CLN6: variants seen among roughly 807,000 people sequenced by gnomAD.
CLN6 encodes the protein ceroid-lipofuscinosis neuronal protein 6.
CLN6 carries 22 observed loss-of-function variants against 33.3 expected under a neutral mutation model. The observed-to-expected ratio is 0.66, with a 90% CI of 0.47 to 0.94. The LOEUF is 0.94. Among genes scored for constraint, CLN6 ranks in the 40% least tolerant of loss-of-function variants. The pLI, the probability that CLN6 is intolerant of heterozygous loss-of-function variation, is 0.00. For missense variants in CLN6, 387 were observed against 417.1 expected (o/e 0.93, Z 0.63); for synonymous variants, 201 against 174.6 (o/e 1.15, Z -1.19).
chr15:68,224,912 C>A (rs550742878), intron 1 of CLN6, among the ~76,000 whole-genome samples: 3 of 152,282 alleles, frequency 2.0e-5, no homozygotes, highest in Admixed American at 6.5e-5. Context: ...TCCTTCCCAG[C>A]TTTCCAAGTC....
chr15:68,217,301 G>A (rs7178785), intron 2 of CLN6, among the ~76,000 whole-genome samples: 4,690 of 152,144 alleles, frequency 0.031, 269 homozygotes, highest in African/African-American at 0.11. Context: ...GTGTGATCAC[G>A]GCTCACTGCA....
chr15:68,224,265 C>CAAA lies in CLN6; in HGVS notation c.83+5234_83+5236dup, dbSNP rs34196710. On this transcript the variant is annotated intron_variant, in intron 1 of 6. Coordinates refer to ENST00000249806, the MANE Select transcript of CLN6 (RefSeq NM_017882.3). ...TGGGTGACAGAGTAAGACCTTATTG[C>CAAA]AAAAAAAAAAAAAAAAAAAAAAAAA... Among the ~76,000 whole-genome samples, 82 of 46,692 alleles carry CAAA rather than the reference C, an allele frequency of 1.8e-3. 10 individuals are homozygous for CAAA. Among genetic ancestry groups the CAAA allele is most frequent in the East Asian group, 3.9e-3 (5 of 1,292 alleles). The allele number at this position is 46,692 out of a possible 152,430, so 30.6% of individuals were successfully genotyped here. A position where few individuals can be genotyped will look rare whatever the true frequency, so the allele number is the denominator to read the frequency against.
At chr15:68,255,067 A>G in intron 1 of CLN6, 1 of 592,228 alleles carries the variant, frequency 1.7e-6, no homozygotes, top group Non-Finnish European at 3.0e-6. Context: ...AAAGGGGCAT[A>G]TGTCACTAAC....
At chr15:68,215,664 G>T (rs1297246728) in intron 2 of CLN6, 1 of 152,044 alleles carries the variant, frequency 6.6e-6, no homozygotes, top group Non-Finnish European at 1.5e-5. Flanking sequence ...TAAAAACAGG[G>T]TCTTGCTATG....
upstream of CLN6, among the ~76,000 whole-genome samples, chr15:68,233,160 T>A (rs2141158547): frequency 6.6e-6 from 1 of 152,238 alleles, no homozygotes; most frequent in East Asian, 1.9e-4. The surrounding 1 kb of genome is among the most constrained non-coding windows in gnomAD (Gnocchi z 4.3). Context: ...TCTGTCTCAC[T>A]CCCCCTTGTC....
intron 1 of CLN6, chr15:68,254,639 A>G: frequency 1.5e-6 from 1 of 674,592 alleles, no homozygotes; most frequent in Non-Finnish European, 2.7e-6. Context: ...CACCGTGCCC[A>G]GGAGAAAGGC....
chr15:68,252,601 G>T (rs1326103737), intron 1 of CLN6, among the ~76,000 whole-genome samples: 1 of 152,190 alleles, frequency 6.6e-6, no homozygotes. Context: ...ATATATTGCA[G>T]GGAAGTTCTT....
At chr15:68,230,298 A>AC (rs896202863), upstream of CLN6, among the ~76,000 whole-genome samples, 1 of 151,648 alleles carries the variant, frequency 6.6e-6, no homozygotes, top group Admixed American at 6.6e-5. This position sits in a 1 kb window ranked among gnomAD's most constrained non-coding sequence, Gnocchi z 4.0. Flanking sequence ...TAGTGGAGGC[A>AC]CCCCCCGGGA....
intron 1 of CLN6, among the ~76,000 whole-genome samples, chr15:68,250,251 A>T (rs1423314380): frequency 6.6e-6 from 1 of 152,178 alleles, no homozygotes; most frequent in Non-Finnish European, 1.5e-5. Flanking sequence ...AAAATAAAAA[A>T]ATTAAATTCC....
rs180802687 is a variant in CLN6 at position 68,253,224 on chromosome 15, T to C, written c.179+3466A>G. ...TTTCCCCATGCGGATACATATAAAA[T>C]AGGGCTTGATGTGCTCAGAGTGTTT... is the stretch of plus-strand genomic sequence containing the variant. On this transcript the variant is annotated intron_variant, in intron 1 of 6. Coordinates refer to the CLN6 transcript ENST00000538696. Among the ~76,000 whole-genome samples the C allele has an allele frequency of 1.1e-3, 169 of 152,348 alleles. 1 individual carries two copies. Among genetic ancestry groups the C allele is most frequent in the African/African-American group, 3.9e-3 (164 of 41,582 alleles).
chr15:68,214,656 T>G, intron 2 of CLN6: 2 of 433,766 alleles, frequency 4.6e-6, no homozygotes, highest in Non-Finnish European at 8.7e-6. Context: ...CCTGACCCTG[T>G]GCCCCTCACC....
chr15:68,231,241 C>T (rs1436137004), upstream of CLN6, among the ~76,000 whole-genome samples: 1 of 152,164 alleles, frequency 6.6e-6, no homozygotes, highest in African/African-American at 2.4e-5. Context: ...TCTAGCAGCC[C>T]ACAGGCCACA....
At chr15:68,234,056 C>T (rs74020082), upstream of CLN6, among the ~76,000 whole-genome samples, 603 of 152,246 alleles carry the variant, frequency 4.0e-3, 1 homozygote, top group African/African-American at 0.013. This position sits in a 1 kb window ranked among gnomAD's most constrained non-coding sequence, Gnocchi z 4.1. Flanking sequence ...ATTTCTATTA[C>T]AAGGATTTAG....
intron 2 of CLN6, among the ~76,000 whole-genome samples, chr15:68,217,305 C>T (rs2093223248): frequency 1.3e-5 from 2 of 152,180 alleles, no homozygotes; most frequent in Non-Finnish European, 2.9e-5. Flanking sequence ...GATCACGGCT[C>T]ACTGCAGCCT....
intron 2 of CLN6, chr15:68,218,128 T>G: frequency 4.3e-6 from 1 of 231,294 alleles, no homozygotes; most frequent in Non-Finnish European, 8.7e-6. Context: ...CCAGAAAAAA[T>G]AATACTATCC....
intron 1 of CLN6, among the ~76,000 whole-genome samples, chr15:68,253,597 T>C (rs187640968): frequency 5.3e-4 from 81 of 152,366 alleles, no homozygotes; most frequent in Admixed American, 1.1e-3. Flanking sequence ...TTGCAATATA[T>C]AAAGTAATAC....
At chr15:68,235,587 A>AATAT (rs59823320) in intron 1 of CLN6, among the ~76,000 whole-genome samples, 28 of 95,050 alleles carry the variant, frequency 2.9e-4, no homozygotes, top group African/African-American at 1.2e-3. Context: ...AATAAAAATA[A>AATAT]ATATATATAT....
In CLN6 at chr15:68,211,764, C is replaced by G. The variant is rs1595818296; in HGVS notation, c.397G>C (p.Val133Leu). 6.2e-7 allele frequency: 1 copy of G among 1,614,014 alleles called. No homozygotes were observed. Among genetic ancestry groups the G allele is most frequent in the Non-Finnish European group, 8.5e-7 (1 of 1,180,012 alleles). ...GASIHLVGDS[V>L]NHRLLFSGYQ... is the part of the protein sequence containing the mutation. ...CCACTGAAGAGCAGGCGGTGGTTGA[C>G]AGAGTCACCCACCAGGTGGATGCTG... Residue 133 changes from valine (V) to leucine (L), a missense_variant, in exon 4 of 7, where the codon GTC becomes CTC. Transcript: ENST00000249806. This position sits in a 1 kb window ranked among gnomAD's most constrained non-coding sequence, Gnocchi z 5.9.
At chr15:68,244,057 T>C (rs1892302717) in intron 1 of CLN6, among the ~76,000 whole-genome samples, 1 of 148,538 alleles carries the variant, frequency 6.7e-6, no homozygotes, top group East Asian at 2.0e-4. Context: ...AGAGGGAGAC[T>C]CCATCTCAAA....
Sources: gnomAD v4.1 joint callset for allele counts (sites outside exome capture counted in the v4.1 genomes callset) on GRCh38, gnomAD v4.1.1 for gene constraint, Gnocchi (gnomAD v3.1) non-coding constraint, MANE v1.5 for transcripts, NCBI Gene and HGNC (gene_info 2026-07-23, HGNC 2026-07-21) for gene names.